GRID2: variants seen among roughly 807,000 people sequenced by gnomAD.
GRID2 encodes the protein glutamate ionotropic receptor delta type subunit 2.
GRID2 carries 33 observed loss-of-function variants against 114.8 expected under a neutral mutation model. The observed-to-expected ratio is 0.29, with a 90% CI of 0.22 to 0.38. The LOEUF is 0.38. Ranked by LOEUF, GRID2 falls within the 10% of genes least tolerant of loss-of-function variation. GRID2 has a pLI of 1.00. For missense variants in GRID2, 1,184 were observed against 1,257.7 expected (o/e 0.94, Z 0.89); for synonymous variants, 505 against 449.9 (o/e 1.12, Z -1.55).
intron 1 of GRID2, among the ~76,000 whole-genome samples, chr4:92,330,602 A>G (rs534955333): frequency 1.3e-5 from 2 of 152,302 alleles, no homozygotes; most frequent in Admixed American, 6.5e-5. Flanking sequence ...GAAACGTCTT[A>G]TTCATTATTC....
At chr4:92,465,345 TAATTG>T (rs1422890803) in intron 1 of GRID2, among the ~76,000 whole-genome samples, 1 of 152,066 alleles carries the variant, frequency 6.6e-6, no homozygotes, top group African/African-American at 2.4e-5. Context: ...TTAACATTCA[TAATTG>T]AATTCATTAG....
At chr4:92,797,367 A>G (rs1411061889) in intron 2 of GRID2, among the ~76,000 whole-genome samples, 2 of 152,028 alleles carry the variant, frequency 1.3e-5, no homozygotes, top group African/African-American at 4.8e-5. Context: ...GCTCATTGCA[A>G]TAGCAATGGG....
chr4:92,714,774 G>A (rs1208710532), intron 2 of GRID2, among the ~76,000 whole-genome samples: 5 of 152,240 alleles, frequency 3.3e-5, no homozygotes, highest in African/African-American at 1.2e-4. Flanking sequence ...GGAGTGGCTA[G>A]GACACAGGGC....
intron 14 of GRID2, among the ~76,000 whole-genome samples, chr4:93,727,132 T>C (rs1560949073): frequency 6.6e-6 from 1 of 152,134 alleles, no homozygotes; most frequent in Non-Finnish European, 1.5e-5. Flanking sequence ...TTGTCATAGA[T>C]AGCTCTTATT....
intron 2 of GRID2, among the ~76,000 whole-genome samples, chr4:92,627,190 G>C (rs1329114000): frequency 6.6e-6 from 1 of 152,030 alleles, no homozygotes; most frequent in South Asian, 2.1e-4. Context: ...TATAGTATAC[G>C]TATGGAATGG....
intron 13 of GRID2, among the ~76,000 whole-genome samples, chr4:93,563,261 G>A (rs917868098): frequency 3.3e-5 from 5 of 151,854 alleles, no homozygotes; most frequent in African/African-American, 4.8e-5. Flanking sequence ...TTTTTAAAAC[G>A]TCATTGTTTC....
intron 1 of GRID2, among the ~76,000 whole-genome samples, chr4:92,515,861 C>T (rs568562230): frequency 1.8e-4 from 27 of 151,930 alleles, no homozygotes; most frequent in Non-Finnish European, 3.5e-4. Context: ...GCAAATTATT[C>T]TGACACTAGT....
chr4:92,989,802 C>T (rs554685558), intron 2 of GRID2, among the ~76,000 whole-genome samples: 1 of 152,246 alleles, frequency 6.6e-6, no homozygotes, highest in African/African-American at 2.4e-5. Flanking sequence ...ATATGACTTT[C>T]AGATGCTACA....
At chr4:93,043,301 G>T (rs1232860208) in intron 2 of GRID2, among the ~76,000 whole-genome samples, 1 of 152,118 alleles carries the variant, frequency 6.6e-6, no homozygotes, top group Non-Finnish European at 1.5e-5. Flanking sequence ...CCTTCTACCA[G>T]GTTTTAGATA....
intron 12 of GRID2, among the ~76,000 whole-genome samples, chr4:93,506,400 C>T (rs892766281): frequency 3.3e-5 from 5 of 152,158 alleles, no homozygotes; most frequent in African/African-American, 9.7e-5. Flanking sequence ...AATCTTGCTG[C>T]GCACTTTTTC....
In GRID2 at chr4:93,395,638, A is replaced by G. The variant is rs199951335; in HGVS notation, c.1277A>G (p.Asn426Ser). 1.1e-5 allele frequency: 17 copies of G among 1,582,338 alleles called. No homozygotes were observed. Among genetic ancestry groups the G allele is most frequent in the South Asian group, 1.1e-5 (1 of 90,340 alleles). ...TGCTGGAATCCTGTCACAGGTCTGAATGGGTCACTGACTGACAAGAAATTG... is the reference window on the plus strand; with the variant it reads ...TGCTGGAATCCTGTCACAGGTCTGAGTGGGTCACTGACTGACAAGAAATTG... ...LGCWNPVTGL[N>S]GSLTDKKLEN... Residue 426 changes from asparagine (N) to serine (S), a missense_variant, in exon 9 of 16, where the codon AAT (asparagine) becomes AGT (serine). Asn to Ser is a conservative substitution (Grantham distance 46). Around this residue, in one of 3 missense-constraint regions of GRID2, gnomAD observed 717 missense variants for 796.9 expected, o/e 0.90. Transcript: ENST00000282020.
chr4:92,686,023 TG>T (rs1368212841), intron 2 of GRID2, among the ~76,000 whole-genome samples: 1 of 152,052 alleles, frequency 6.6e-6, no homozygotes, highest in Non-Finnish European at 1.5e-5. Context: ...TAAATAGGTA[TG>T]AAAAAAATCA....
At chr4:92,700,646 T>C (rs1457722124) in intron 2 of GRID2, among the ~76,000 whole-genome samples, 1 of 152,150 alleles carries the variant, frequency 6.6e-6, no homozygotes, top group Non-Finnish European at 1.5e-5. Flanking sequence ...TTAAGGAATA[T>C]TTTATGGATG....
At chr4:93,302,045 A>G (rs958692063) in intron 8 of GRID2, among the ~76,000 whole-genome samples, 19 of 152,204 alleles carry the variant, frequency 1.2e-4, no homozygotes, top group African/African-American at 4.6e-4. Flanking sequence ...AAACACACCA[A>G]TAAAATCTTA....
intron 8 of GRID2, among the ~76,000 whole-genome samples, chr4:93,277,313 C>T (rs1296416874): frequency 6.6e-6 from 1 of 151,830 alleles, no homozygotes; most frequent in Admixed American, 6.6e-5. Context: ...CTGACACTGG[C>T]AAAGTTAGCA....
chr4:93,079,660 GAAT>G (rs1195218862), intron 2 of GRID2, among the ~76,000 whole-genome samples: 3 of 151,942 alleles, frequency 2.0e-5, no homozygotes, highest in African/African-American at 4.8e-5. Context: ...TTGAAAGTTG[GAAT>G]AATAATAGCT....
intron 2 of GRID2, among the ~76,000 whole-genome samples, chr4:92,698,885 C>T (rs749670416): frequency 6.6e-6 from 1 of 152,032 alleles, no homozygotes; most frequent in Non-Finnish European, 1.5e-5. Flanking sequence ...ACAAAAACTA[C>T]GTACAGAATA....
At chr4:92,723,761 T>C (rs894314821) in intron 2 of GRID2, among the ~76,000 whole-genome samples, 3 of 152,152 alleles carry the variant, frequency 2.0e-5, no homozygotes, top group Admixed American at 1.3e-4. Flanking sequence ...GAGAGATGGC[T>C]CAAAGCCTTC....
At chr4:93,488,320 A>C (rs1726616058) in intron 11 of GRID2, among the ~76,000 whole-genome samples, 3 of 151,996 alleles carry the variant, frequency 2.0e-5, no homozygotes, top group Admixed American at 2.0e-4. Flanking sequence ...TCTAAAATGC[A>C]TTGTAACTTA....
Sources: allele counts gnomAD v4.1 joint callset (sites outside exome capture counted in the v4.1 genomes callset), GRCh38; gene constraint gnomAD v4.1.1; regional missense constraint gnomAD v4.1.1; transcripts MANE v1.5; gene names NCBI Gene and HGNC (gene_info 2026-07-23, HGNC 2026-07-21).